MAP4: variants seen among roughly 807,000 people sequenced by gnomAD.
MAP4 encodes the protein microtubule associated protein 4, also known as microtubule-associated protein 4.
MAP4 carries 76 observed loss-of-function variants against 170.2 expected under a neutral mutation model. The ratio of observed to expected loss-of-function variants is 0.45; its 90% CI spans 0.37 to 0.54. The LOEUF is 0.54. Ranked by LOEUF, MAP4 falls within the 20% of genes least tolerant of loss-of-function variation. The pLI, the probability that MAP4 is intolerant of heterozygous loss-of-function variation, is 0.00. For missense variants in MAP4, 2,506 were observed against 2,748.0 expected (o/e 0.91, Z 1.97); for synonymous variants, 909 against 994.5 (o/e 0.91, Z 1.62).
chr3:47,951,136 T>TA (rs1260529296), intron 3 of MAP4, among the ~76,000 whole-genome samples: 2 of 152,238 alleles, frequency 1.3e-5, no homozygotes, highest in African/African-American at 4.8e-5. Flanking sequence ...CTTTTGACTC[T>TA]AAAGATTGTT....
intron 1 of MAP4, among the ~76,000 whole-genome samples, chr3:48,001,201 A>G (rs990331665): frequency 6.6e-6 from 1 of 152,202 alleles, no homozygotes; most frequent in African/African-American, 2.4e-5. Flanking sequence ...GAAAAAAAAG[A>G]TAGTATGTGT....
At chr3:47,951,340 C>T (rs879431472) in intron 3 of MAP4, among the ~76,000 whole-genome samples, 1 of 151,600 alleles carries the variant, frequency 6.6e-6, no homozygotes, top group African/African-American at 2.4e-5. Context: ...CCTCTCCCTC[C>T]TCTCCCTCTC....
chr3:47,978,542 C>T (rs375398233), intron 2 of MAP4, among the ~76,000 whole-genome samples: 71 of 152,230 alleles, frequency 4.7e-4, no homozygotes, highest in African/African-American at 1.7e-3. Flanking sequence ...GGCTCAAACT[C>T]CTGACCTCAG....
At chr3:47,854,935 C>G (rs1336268549) in intron 19 of MAP4, among the ~76,000 whole-genome samples, 1 of 152,334 alleles carries the variant, frequency 6.6e-6, no homozygotes, top group East Asian at 1.9e-4. Flanking sequence ...CCCCGCTCGC[C>G]TGGGGGTGGT....
intron 1 of MAP4, among the ~76,000 whole-genome samples, chr3:48,080,580 C>T (rs1028563098): frequency 2.6e-5 from 4 of 152,142 alleles, no homozygotes; most frequent in African/African-American, 9.7e-5. Flanking sequence ...GGAACAGTGG[C>T]TCACACCTAT....
chr3:48,061,471 G>A (rs2100135226), intron 1 of MAP4, among the ~76,000 whole-genome samples: 1 of 152,218 alleles, frequency 6.6e-6, no homozygotes, highest in South Asian at 2.1e-4. Flanking sequence ...CGGGATTGCA[G>A]ATGGAGTCTC....
At chr3:47,971,383 G>C (rs563941369) in intron 3 of MAP4, among the ~76,000 whole-genome samples, 2 of 152,206 alleles carry the variant, frequency 1.3e-5, no homozygotes, top group African/African-American at 4.8e-5. Flanking sequence ...TGGTGCTTTT[G>C]CATTTTTCTG....
At chr3:47,883,548 ATTG>A (rs1247092319) in intron 10 of MAP4, among the ~76,000 whole-genome samples, 1 of 152,008 alleles carries the variant, frequency 6.6e-6, no homozygotes, top group African/African-American at 2.4e-5. Flanking sequence ...TACCCATTCC[ATTG>A]TTGTTCTTTT....
At chr3:48,022,792 G>A (rs1169804159) in intron 1 of MAP4, among the ~76,000 whole-genome samples, 1 of 152,178 alleles carries the variant, frequency 6.6e-6, no homozygotes, top group Non-Finnish European at 1.5e-5. Context: ...TCAGGGGGCT[G>A]AGGCAGAAGA....
intron 6 of MAP4, among the ~76,000 whole-genome samples, chr3:47,917,891 A>G (rs1430271713): frequency 6.6e-6 from 1 of 152,204 alleles, no homozygotes. Context: ...GCTGTTGCCC[A>G]AGCTGGAGTG....
chr3:47,929,847 G>A (rs932214751), intron 3 of MAP4, among the ~76,000 whole-genome samples: 4 of 152,108 alleles, frequency 2.6e-5, no homozygotes, highest in South Asian at 2.1e-4. Context: ...GCTATTAAAC[G>A]GCCAGGCATG....
intron 3 of MAP4, among the ~76,000 whole-genome samples, chr3:47,946,228 C>T (rs147898619): frequency 0.02 from 2,998 of 151,322 alleles, 103 homozygotes; most frequent in African/African-American, 0.069. Flanking sequence ...CAGGTGTGAG[C>T]CACCACACCC....
intron 2 of MAP4, among the ~76,000 whole-genome samples, chr3:47,997,952 G>A (rs950880160): frequency 2.6e-5 from 4 of 152,214 alleles, no homozygotes; most frequent in South Asian, 2.1e-4. Flanking sequence ...TTAAAAATCC[G>A]ACAGAAAATT....
At chr3:48,061,018 T>C (rs1036831654) in intron 1 of MAP4, among the ~76,000 whole-genome samples, 2 of 151,952 alleles carry the variant, frequency 1.3e-5, no homozygotes, top group East Asian at 3.9e-4. Context: ...CTAATTTTTT[T>C]GTATTTTTAG....
chr3:47,923,944 CCT>C (rs1390068981), intron 4 of MAP4, among the ~76,000 whole-genome samples: 10 of 152,188 alleles, frequency 6.6e-5, no homozygotes, highest in African/African-American at 2.4e-4. Context: ...GCTTGCTCTG[CCT>C]CTCACACTTC....
chr3:47,958,122 A>G (rs1052258553), intron 3 of MAP4, among the ~76,000 whole-genome samples: 3 of 152,216 alleles, frequency 2.0e-5, no homozygotes, highest in Non-Finnish European at 2.9e-5. Context: ...ATTGAGCCCA[A>G]TTGTCAAGGG....
chr3:48,078,859 G>A lies in MAP4; in HGVS notation c.-20+9914C>T, dbSNP rs141942636. On this transcript the variant is annotated intron_variant, in intron 1 of 18. Transcript: ENST00000360240. ...CTAACCCAAGTGAATTATATGCTGAGCATCCCAAATCCAAAAATCTCAATC... is the reference window on the plus strand; with the variant it reads ...CTAACCCAAGTGAATTATATGCTGAACATCCCAAATCCAAAAATCTCAATC... Among the ~76,000 whole-genome samples the A allele has an allele frequency of 2.0e-5, 3 of 152,254 alleles. No individual in the cohort carries two copies. In the East Asian group the frequency reaches 5.8e-4, roughly 29 times the overall value.
intron 1 of MAP4, among the ~76,000 whole-genome samples, chr3:48,042,905 T>C (rs1174903044): frequency 6.6e-6 from 1 of 152,174 alleles, no homozygotes; most frequent in East Asian, 1.9e-4. Flanking sequence ...TTAATCTGTG[T>C]ATATAAAATA....
intron 1 of MAP4, among the ~76,000 whole-genome samples, chr3:48,037,433 A>G (rs748858753): frequency 6.6e-6 from 1 of 151,928 alleles, no homozygotes; most frequent in Admixed American, 6.6e-5. Flanking sequence ...TCATTCTGTT[A>G]CTCAGGCTGG....
Sources: allele counts gnomAD v4.1 joint callset (sites outside exome capture counted in the v4.1 genomes callset), GRCh38; gene constraint gnomAD v4.1.1; transcripts MANE v1.5; gene names NCBI Gene and HGNC (gene_info 2026-07-23, HGNC 2026-07-21).